Variants in ELP4 observed in about 807,000 individuals in gnomAD.
ELP4 encodes elongator complex protein 4.
ELP4 carries 51 observed loss-of-function variants against 48.9 expected under a neutral mutation model. The ratio of observed to expected loss-of-function variants is 1.04; its 90% CI spans 0.83 to 1.32. The LOEUF is 1.32. ELP4 is among the 40% of genes most tolerant of loss of function. The pLI is 0.00. For missense variants in ELP4, 519 were observed against 514.6 expected (o/e 1.01, Z -0.08); for synonymous variants, 210 against 189.2 (o/e 1.11, Z -0.90).
intron 9 of ELP4, among the ~76,000 whole-genome samples, chr11:31,709,083 G>A (rs913245799): frequency 6.6e-6 from 1 of 151,996 alleles, no homozygotes; most frequent in Admixed American, 6.6e-5. Flanking sequence ...ACAACTCTCT[G>A]ATCTATACAT....
intron 1 of ELP4, among the ~76,000 whole-genome samples, chr11:31,515,354 CAT>C (rs1033537462): frequency 4.6e-5 from 7 of 152,166 alleles, no homozygotes; most frequent in South Asian, 2.1e-4. Context: ...TTTTAATACA[CAT>C]AAGATTTTTT....
At chr11:31,756,969 G>A (rs1417158881) in intron 9 of ELP4, among the ~76,000 whole-genome samples, 1 of 152,162 alleles carries the variant, frequency 6.6e-6, no homozygotes, top group Non-Finnish European at 1.5e-5. Context: ...GTAACCATCA[G>A]AGAATCTGAT....
At chr11:31,516,072 C>T (rs1315712151) in intron 1 of ELP4, among the ~76,000 whole-genome samples, 1 of 152,132 alleles carries the variant, frequency 6.6e-6, no homozygotes, top group Non-Finnish European at 1.5e-5. Context: ...GAGATTGCAC[C>T]ACTGCACTCC....
chr11:31,583,661 A>G (rs1957426539), intron 3 of ELP4, among the ~76,000 whole-genome samples: 1 of 152,204 alleles, frequency 6.6e-6, no homozygotes, highest in African/African-American at 2.4e-5. Flanking sequence ...TAAACAATTA[A>G]GTGTGATGCT....
chr11:31,726,930 A>G (rs1442751009), intron 9 of ELP4, among the ~76,000 whole-genome samples: 1 of 152,206 alleles, frequency 6.6e-6, no homozygotes, highest in African/African-American at 2.4e-5. Flanking sequence ...TGAGTAGGAA[A>G]TAGTTCTTGA....
chr11:31,543,836 A>G (rs1956638476), intron 3 of ELP4, among the ~76,000 whole-genome samples: 1 of 152,226 alleles, frequency 6.6e-6, no homozygotes, highest in Admixed American at 6.5e-5. Context: ...CTCAGCAAAT[A>G]TCTTTCATAA....
chr11:31,573,407 A>G (rs1031672472), intron 3 of ELP4, among the ~76,000 whole-genome samples: 2 of 152,240 alleles, frequency 1.3e-5, no homozygotes, highest in African/African-American at 4.8e-5. Context: ...TCAGGCTGCC[A>G]TAACAAAATA....
At chr11:31,525,235 A>G (rs561915330) in intron 2 of ELP4, among the ~76,000 whole-genome samples, 27 of 152,264 alleles carry the variant, frequency 1.8e-4, no homozygotes, top group African/African-American at 6.5e-4. Flanking sequence ...ACTATATTTG[A>G]TATTCTACTA....
intron 3 of ELP4, among the ~76,000 whole-genome samples, chr11:31,588,619 T>C (rs912425476): frequency 2.2e-4 from 33 of 152,192 alleles, no homozygotes; most frequent in Non-Finnish European, 2.9e-5. Context: ...TTCCAGGATA[T>C]ATCGGCTGAA....
Position 31,770,793 on chromosome 11 carries a change from C to T in ELP4, c.1144-12600C>T, listed in dbSNP as rs374420860. Among the ~76,000 whole-genome samples the T allele has an allele frequency of 1.7e-4, 21 of 124,942 alleles. 1 individual carries two copies. The East Asian group carries it at 2.4e-3, about 15-fold the overall frequency. 82.0% of individuals were successfully genotyped at this position (124,942 alleles called of 152,430 possible). A position where few individuals can be genotyped will look rare whatever the true frequency, so the allele number is the denominator to read the frequency against. On this transcript the variant is annotated intron_variant, in intron 9 of 9. Coordinates refer to ENST00000640961, the MANE Select transcript of ELP4 (RefSeq NM_019040.5). Reference sequence around the variant, plus strand: ...TTAGCACATGCCTGTAGTCTCAGTACTCGGGAGGCTGAGGCAGGACAGAGT... The same window carrying T: ...TTAGCACATGCCTGTAGTCTCAGTATTCGGGAGGCTGAGGCAGGACAGAGT...
rs1025282881 is a variant in ELP4, at chr11:31,787,105, G to A, written c.*3581G>A. 8 of 232,036 alleles carry A rather than the reference G, an allele frequency of 3.4e-5. No homozygotes were observed. The highest frequency in any genetic ancestry group is 1.8e-4 in the African/African-American group (8 of 45,362). 14.4% of individuals were successfully genotyped at this position (232,036 alleles called of 1,614,324 possible). A position where few individuals can be genotyped will look rare whatever the true frequency, so the allele number is the denominator to read the frequency against. On this transcript the variant is annotated 3_prime_UTR_variant, in exon 10 of 10. Transcript: ENST00000640961. ...GCTACCACACAGAGCCTGCCATGCT[G>A]TCCCCAAGAGAGTGCCTGGAGCTCT...
intron 6 of ELP4, among the ~76,000 whole-genome samples, chr11:31,627,450 C>T (rs2134038311): frequency 6.6e-6 from 1 of 152,060 alleles, no homozygotes; most frequent in Admixed American, 6.6e-5. Flanking sequence ...TTTAAATATG[C>T]ATTTGTAGCA....
At chr11:31,760,543 G>A (rs1350521484) in intron 9 of ELP4, among the ~76,000 whole-genome samples, 1 of 152,080 alleles carries the variant, frequency 6.6e-6, no homozygotes, top group Non-Finnish European at 1.5e-5. Flanking sequence ...AAAAACATTA[G>A]AAGACGATAT....
Position 31,596,278 on chromosome 11 carries a change from G to C in ELP4, c.513+1377G>C, listed in dbSNP as rs534772992. ...AAATTAGCTGGGCGTGGTGGCGGGC[G>C]CCTGTAATACCAGCTACTCAGAAGG... On this transcript the variant is annotated intron_variant, in intron 4 of 9. Transcript: ENST00000640961. 5.9e-5 allele frequency among the ~76,000 whole-genome samples: 9 copies of C among 152,220 alleles called. No homozygotes were observed. In the East Asian group the frequency reaches 1.7e-3, roughly 30 times the overall value.
chr11:31,667,963 T>C (rs1395651922), intron 9 of ELP4, among the ~76,000 whole-genome samples: 1 of 152,178 alleles, frequency 6.6e-6, no homozygotes, highest in Non-Finnish European at 1.5e-5. Context: ...ATAGGGTGCA[T>C]CTGCATCATT....
At chr11:31,734,427 CTGTT>C (rs1451898443) in intron 9 of ELP4, among the ~76,000 whole-genome samples, 2 of 152,144 alleles carry the variant, frequency 1.3e-5, no homozygotes, top group Admixed American at 6.6e-5. Flanking sequence ...AAAATGCTGT[CTGTT>C]TAAGATGACA....
At chr11:31,620,304 G>A (rs1420389504) in intron 5 of ELP4, among the ~76,000 whole-genome samples, 3 of 151,938 alleles carry the variant, frequency 2.0e-5, no homozygotes, top group Non-Finnish European at 4.4e-5. Flanking sequence ...TGAGGATAAG[G>A]ATTGACCATG....
intron 2 of ELP4, among the ~76,000 whole-genome samples, chr11:31,536,462 C>G (rs1956502969): frequency 6.6e-6 from 1 of 152,148 alleles, no homozygotes. Context: ...AGCAATTCTC[C>G]TGCCTCAGCC....
chr11:31,531,493 A>G (rs1592087992), intron 2 of ELP4, among the ~76,000 whole-genome samples: 1 of 152,212 alleles, frequency 6.6e-6, no homozygotes, highest in African/African-American at 2.4e-5. Flanking sequence ...AAGCTTCTTA[A>G]TAATGGTGCC....
Sources: allele counts gnomAD v4.1 joint callset (sites outside exome capture counted in the v4.1 genomes callset), GRCh38; gene constraint gnomAD v4.1.1; transcripts MANE v1.5; gene names NCBI Gene and HGNC (gene_info 2026-07-23, HGNC 2026-07-21).